GALNTL6: variants seen among roughly 807,000 people sequenced by gnomAD.
The protein encoded by GALNTL6 is polypeptide N-acetylgalactosaminyltransferase-like 6.
Under a neutral mutation model 73.7 loss-of-function variants are expected in GALNTL6, and 46 were observed. That is an observed-to-expected ratio of 0.62 (90% CI 0.49 to 0.80). GALNTL6 has a LOEUF of 0.80. Among genes scored for constraint, GALNTL6 ranks in the 30% least tolerant of loss-of-function variants. The pLI, the probability that GALNTL6 is intolerant of heterozygous loss-of-function variation, is 0.00. For synonymous variants in GALNTL6, 259 were observed against 263.7 expected (o/e 0.98, Z 0.17); for missense variants, 604 against 755.0 (o/e 0.80, Z 2.34).
intron 5 of GALNTL6, among the ~76,000 whole-genome samples, chr4:172,383,753 T>C (rs2111288132): frequency 6.6e-6 from 1 of 152,254 alleles, no homozygotes; most frequent in East Asian, 1.9e-4. Context: ...TCCCTTCTAT[T>C]TGGTAGATGC....
intron 5 of GALNTL6, among the ~76,000 whole-genome samples, chr4:172,620,785 G>C (rs1476663504): frequency 6.6e-6 from 1 of 152,074 alleles, no homozygotes; most frequent in Admixed American, 6.5e-5. Flanking sequence ...TGAGTTGTTA[G>C]CAAATTGAAG....
At chr4:172,998,879 G>A (rs1751914356) in intron 10 of GALNTL6, among the ~76,000 whole-genome samples, 2 of 151,704 alleles carry the variant, frequency 1.3e-5, no homozygotes, top group South Asian at 2.1e-4. Context: ...GCTTGAGTGA[G>A]ATCATGTACT....
intron 5 of GALNTL6, among the ~76,000 whole-genome samples, chr4:172,478,449 G>T (rs1049906556): frequency 2.6e-5 from 4 of 152,140 alleles, no homozygotes; most frequent in Non-Finnish European, 5.9e-5. Flanking sequence ...TAGGAAAATT[G>T]GATAGACATA....
Position 172,656,256 on chromosome 4 carries a change from T to C in GALNTL6, c.554-153105T>C, listed in dbSNP as rs115699550. ...ACACTGCCATGCAGTGTCTGCTCCT[T>C]AATTCAGCCCCTGCTCCTAAGTCTG... On this transcript the variant is annotated intron_variant, in intron 5 of 12. Transcript: ENST00000506823. Among the ~76,000 whole-genome samples the C allele has an allele frequency of 8.0e-3, 1,213 of 152,254 alleles. 17 individuals carry two copies. Among genetic ancestry groups the C allele is most frequent in the African/African-American group, 0.028 (1,148 of 41,540 alleles).
In GALNTL6 at chr4:172,156,549, A is replaced by AC. The variant is rs1484183360; in HGVS notation, c.139-73107_139-73106insC. On this transcript the variant is annotated intron_variant, in intron 2 of 12. Coordinates refer to ENST00000506823, the MANE Select transcript of GALNTL6 (RefSeq NM_001034845.3). ...ATATACATATATATATAATATATAT[A>AC]TATATATATATATATATACATACTA... 9.1e-5 allele frequency among the ~76,000 whole-genome samples: 6 copies of AC among 65,932 alleles called. 1 individual carries two copies. The highest frequency in any genetic ancestry group is 3.5e-4 in the African/African-American group (6 of 16,950). 43.3% of individuals were successfully genotyped at this position (65,932 alleles called of 152,430 possible). A position where few individuals can be genotyped will look rare whatever the true frequency, so the allele number is the denominator to read the frequency against.
At chr4:172,886,296 ACTT>A (rs1264304632) in intron 8 of GALNTL6, among the ~76,000 whole-genome samples, 2 of 152,112 alleles carry the variant, frequency 1.3e-5, no homozygotes, top group East Asian at 1.9e-4. Flanking sequence ...GAATTTATCT[ACTT>A]CTTCTAGGTT....
intron 5 of GALNTL6, among the ~76,000 whole-genome samples, chr4:172,576,399 G>C (rs1223826900): frequency 1.3e-5 from 2 of 152,100 alleles, no homozygotes; most frequent in East Asian, 1.9e-4. Context: ...GACTCAAAAG[G>C]CTTCTGTAAT....
At chr4:172,764,690 A>C (rs1038487068) in intron 5 of GALNTL6, among the ~76,000 whole-genome samples, 4 of 152,166 alleles carry the variant, frequency 2.6e-5, no homozygotes, top group Non-Finnish European at 5.9e-5. Flanking sequence ...AAGTAAAAAA[A>C]AATCAAAAGG....
intron 5 of GALNTL6, among the ~76,000 whole-genome samples, chr4:172,605,736 A>G (rs1051517132): frequency 7.9e-5 from 12 of 152,250 alleles, no homozygotes; most frequent in African/African-American, 2.9e-4. Context: ...TAGTTCAGAT[A>G]AAATCTGGGT....
At chr4:172,499,056 G>A (rs534146528) in intron 5 of GALNTL6, among the ~76,000 whole-genome samples, 3 of 152,108 alleles carry the variant, frequency 2.0e-5, no homozygotes, top group East Asian at 3.9e-4. Context: ...CACCAAACCC[G>A]CCCACCTATC....
intron 2 of GALNTL6, among the ~76,000 whole-genome samples, chr4:171,935,946 T>A (rs573690509): frequency 6.6e-6 from 1 of 152,270 alleles, no homozygotes; most frequent in Admixed American, 6.5e-5. Context: ...GAGCTTCATG[T>A]CACACAGTAA....
chr4:172,801,542 A>G (rs745910108), intron 5 of GALNTL6, among the ~76,000 whole-genome samples: 3 of 152,076 alleles, frequency 2.0e-5, no homozygotes, highest in East Asian at 3.9e-4. Context: ...TGAGCCTTTT[A>G]TAGAAAGAAG....
intron 2 of GALNTL6, among the ~76,000 whole-genome samples, chr4:172,032,367 ATGT>A (rs200155634): frequency 0.01 from 1,538 of 152,200 alleles, 24 homozygotes; most frequent in African/African-American, 0.035. Context: ...GAATCATTAA[ATGT>A]TGTGTCAGAG....
chr4:172,981,796 C>CTTTTTT (rs56273122), intron 10 of GALNTL6, among the ~76,000 whole-genome samples: 2 of 101,816 alleles, frequency 2.0e-5, no homozygotes, highest in Non-Finnish European at 3.9e-5. Flanking sequence ...GTATGAACGT[C>CTTTTTT]TTTTTTTTTT....
chr4:172,118,561 A>G (rs1579156445), intron 2 of GALNTL6, among the ~76,000 whole-genome samples: 3 of 152,106 alleles, frequency 2.0e-5, no homozygotes, highest in Middle Eastern at 3.4e-3. Flanking sequence ...TTAGTTGGGC[A>G]TGGTGGCATA....
chr4:172,248,610 C>T (rs1737741049), intron 3 of GALNTL6, among the ~76,000 whole-genome samples: 1 of 152,176 alleles, frequency 6.6e-6, no homozygotes, highest in African/African-American at 2.4e-5. Flanking sequence ...TATGGTTTGG[C>T]TGTGTCCCCA....
At chr4:172,907,970 C>T (rs897591902) in intron 8 of GALNTL6, among the ~76,000 whole-genome samples, 2 of 152,096 alleles carry the variant, frequency 1.3e-5, no homozygotes, top group African/African-American at 4.8e-5. Context: ...CATTTGGGGG[C>T]CATTATTAAT....
intron 3 of GALNTL6, among the ~76,000 whole-genome samples, chr4:172,268,358 G>A (rs1172150149): frequency 6.6e-6 from 1 of 152,180 alleles, no homozygotes; most frequent in African/African-American, 2.4e-5. Context: ...AGAGCAGAAA[G>A]TTGGGCTGCT....
At chr4:172,111,754 C>T (rs1732857421) in intron 2 of GALNTL6, among the ~76,000 whole-genome samples, 1 of 151,896 alleles carries the variant, frequency 6.6e-6, no homozygotes, top group African/African-American at 2.4e-5. Context: ...TTTTTTGTAA[C>T]ACTTTATTTT....
Sources: gnomAD v4.1 joint callset for allele counts (sites outside exome capture counted in the v4.1 genomes callset) on GRCh38, gnomAD v4.1.1 for gene constraint, MANE v1.5 for transcripts, NCBI Gene and HGNC (gene_info 2026-07-23, HGNC 2026-07-21) for gene names.